The following PDE7A variants were observed in gnomAD, a reference collection of about 807,000 sequenced individuals.
PDE7A encodes high affinity 3',5'-cyclic-AMP phosphodiesterase 7A.
PDE7A carries 39 observed loss-of-function variants against 64.3 expected under a neutral mutation model. That is an observed-to-expected ratio of 0.61 (90% CI 0.47 to 0.79). PDE7A has a LOEUF of 0.79. Ranked by LOEUF, PDE7A falls within the 30% of genes least tolerant of loss-of-function variation. The pLI is 0.00. For synonymous variants in PDE7A, 203 were observed against 206.8 expected, an observed-to-expected ratio of 0.98 and a Z score of 0.16; for missense variants, 470 against 582.8, an observed-to-expected ratio of 0.81 and a Z score of 1.99.
chr8:65,798,164 ATG>A (rs1322179950), intron 1 of PDE7A, among the ~76,000 whole-genome samples: 21 of 141,884 alleles, frequency 1.5e-4, no homozygotes, highest in Middle Eastern at 7.4e-3. Flanking sequence ...AAATATATAC[ATG>A]TGTGTGTGTG....
intron 1 of PDE7A, among the ~76,000 whole-genome samples, chr8:65,798,206 A>ATATATATATATTTTTTTTTTT: frequency 5.4e-5 from 4 of 73,834 alleles, no homozygotes; most frequent in African/African-American, 1.8e-4. Context: ...ATATATATAT[A>ATATATATATATTTTTTTTTTT]TTTTTTTTTT....
Position 65,727,294 on chromosome 8 carries a change from T to C in PDE7A, c.704A>G (p.Asn235Ser), listed in dbSNP as rs936541362. 2.5e-6 allele frequency: 4 copies of C among 1,612,388 alleles called. No homozygotes were observed. Among genetic ancestry groups the C allele is most frequent in the Non-Finnish European group, 3.4e-6 (4 of 1,178,572 alleles). The change falls in exon 8 of 13, where the codon AAT becomes AGT. Residue 235 changes from asparagine (N) to serine (S), a missense_variant. Asn to Ser is a conservative substitution (Grantham distance 46, BLOSUM62 1). Coordinates refer to ENST00000401827, the MANE Select transcript of PDE7A (RefSeq NM_001242318.3). The stretch of plus-strand genomic sequence containing the variant: ...CAAGATATCCCAAGGAGTTACAGAA[T>C]TGGCAAGCTGAAGTGTGACAAAAGA... Reference protein sequence around the residue: ...HCYLKEPKLANSVTPWDILLS... With the variant: ...HCYLKEPKLASSVTPWDILLS...
chr8:65,758,918 T>C (rs1808360431), intron 3 of PDE7A, among the ~76,000 whole-genome samples: 1 of 152,140 alleles, frequency 6.6e-6, no homozygotes, highest in Admixed American at 6.5e-5. Flanking sequence ...GTTCCTACCA[T>C]GGAATCTGTC....
At chr8:65,726,435 T>G (rs1197224300) in intron 9 of PDE7A, among the ~76,000 whole-genome samples, 1 of 152,208 alleles carries the variant, frequency 6.6e-6, no homozygotes, top group African/African-American at 2.4e-5. Flanking sequence ...AGGCACTCTC[T>G]TTACTTTCTT....
At position 65,739,553 on chromosome 8, in the gene PDE7A, C is replaced by A; in HGVS notation, c.544G>T (p.Gly182Ter). Residue 182 changes from glycine to a stop codon, truncating the protein, a stop_gained, in exon 6 of 13, where the codon GGA (glycine) becomes TGA (stop). Transcript: ENST00000401827. LOFTEE classifies it high-confidence loss of function. ...SLTFHLFSLH[G>*]LIEYFHLDMM... is the part of the protein sequence containing the mutation. ...TCTAAATGGAAGTACTCAATTAATC[C>A]ATGAAGACTAAATAAATGAAAGGTT... is the stretch of plus-strand genomic sequence containing the variant. The A allele has an allele frequency of 1.3e-6, 2 of 1,562,142 alleles. No individual in the cohort carries two copies. Among genetic ancestry groups the A allele is most frequent in the Non-Finnish European group, 1.7e-6 (2 of 1,159,452 alleles).
intron 5 of PDE7A, among the ~76,000 whole-genome samples, chr8:65,742,319 C>G (rs1425913957): frequency 6.6e-6 from 1 of 152,296 alleles, no homozygotes; most frequent in Non-Finnish European, 1.5e-5. Flanking sequence ...AGCTAGTGTC[C>G]TCATGAACCA....
intron 12 of PDE7A, chr8:65,722,045 C>T (rs1806400642): frequency 6.6e-6 from 1 of 152,214 alleles, no homozygotes; most frequent in Admixed American, 6.5e-5. Flanking sequence ...CCCGCCTCGG[C>T]TTCCCAAAGT....
At chr8:65,812,329 C>T (rs529225280) in intron 1 of PDE7A, among the ~76,000 whole-genome samples, 2 of 151,678 alleles carry the variant, frequency 1.3e-5, no homozygotes, top group African/African-American at 2.4e-5. Flanking sequence ...TAAATGATTT[C>T]GGAGAAACTG....
At chr8:65,780,325 A>G (rs1809378448) in intron 2 of PDE7A, among the ~76,000 whole-genome samples, 1 of 152,216 alleles carries the variant, frequency 6.6e-6, no homozygotes, top group Admixed American at 6.5e-5. Context: ...GCAGTTTACA[A>G]TTTCATAGAT....
intron 3 of PDE7A, 110 bp downstream of exon 3, chr8:65,779,610 C>T: frequency 1.7e-6 from 1 of 596,504 alleles, no homozygotes; most frequent in Non-Finnish European, 2.9e-6. Context: ...AAAAACATTC[C>T]AAACATAATA....
At chr8:65,837,831 C>T (rs1306520705) in intron 1 of PDE7A, among the ~76,000 whole-genome samples, 2 of 152,180 alleles carry the variant, frequency 1.3e-5, no homozygotes, top group Non-Finnish European at 2.9e-5. Flanking sequence ...AGAATACCTG[C>T]ATCAGCTGCT....
intron 1 of PDE7A, among the ~76,000 whole-genome samples, chr8:65,823,487 TA>T (rs1298853391): frequency 6.6e-6 from 1 of 152,232 alleles, no homozygotes. Flanking sequence ...TCTTATTTTC[TA>T]TTTTTCTTAC....
chr8:65,800,738 C>T (rs779899108), intron 1 of PDE7A, among the ~76,000 whole-genome samples: 3 of 152,116 alleles, frequency 2.0e-5, no homozygotes, highest in Admixed American at 6.5e-5. Flanking sequence ...ACCAGAAAGA[C>T]GCCACTTTGA....
At chr8:65,777,846 C>T (rs1809304096) in intron 3 of PDE7A, among the ~76,000 whole-genome samples, 2 of 152,118 alleles carry the variant, frequency 1.3e-5, no homozygotes, top group South Asian at 4.1e-4. Context: ...TTTTGGTTTT[C>T]ATAGTTATAC....
intron 3 of PDE7A, among the ~76,000 whole-genome samples, chr8:65,754,270 G>A (rs898903106): frequency 3.3e-5 from 5 of 151,974 alleles, no homozygotes; most frequent in East Asian, 3.9e-4. Flanking sequence ...TTGAGGGTGC[G>A]TCTGCCTTTC....
intron 1 of PDE7A, among the ~76,000 whole-genome samples, chr8:65,798,095 T>C (rs1456857667): frequency 6.7e-6 from 1 of 149,340 alleles, no homozygotes; most frequent in East Asian, 1.9e-4. Flanking sequence ...ATCTGTAGTA[T>C]GTAAGTCTGA....
At position 65,825,494 on chromosome 8, in the gene PDE7A, T is replaced by C. The variant is rs117628549; in HGVS notation, c.138+15877A>G. On this transcript the variant is annotated intron_variant, in intron 1 of 12. Coordinates refer to ENST00000401827, the MANE Select transcript of PDE7A (RefSeq NM_001242318.3). ...ATCCTAGAAATACCACTTATAGCTGTGTTACTTTGGGCACCTTACTTTTCT... is the reference window on the plus strand; with the variant it reads ...ATCCTAGAAATACCACTTATAGCTGCGTTACTTTGGGCACCTTACTTTTCT... Among the ~76,000 whole-genome samples, 287 of 152,328 alleles carry C rather than the reference T, an allele frequency of 1.9e-3. 2 individuals carry two copies. Among genetic ancestry groups the C allele is most frequent in the Non-Finnish European group, 3.3e-3 (226 of 68,030 alleles).
At chr8:65,728,659 A>G (rs948237683) in intron 7 of PDE7A, 2 of 120,686 alleles carry the variant, frequency 1.7e-5, no homozygotes, top group Admixed American at 8.7e-5. Flanking sequence ...CTGCATATAA[A>G]GCAATCTCCC....
At chr8:65,820,127 G>A (rs1197566342) in intron 1 of PDE7A, among the ~76,000 whole-genome samples, 2 of 152,206 alleles carry the variant, frequency 1.3e-5, no homozygotes, top group African/African-American at 2.4e-5. Flanking sequence ...CAGGTGTGAT[G>A]GCTCACGCCT....
Sources: allele counts gnomAD v4.1 joint callset (sites outside exome capture counted in the v4.1 genomes callset), GRCh38; gene constraint gnomAD v4.1.1; transcripts MANE v1.5; gene names NCBI Gene and HGNC (gene_info 2026-07-23, HGNC 2026-07-21).